The following CLEC1B variants were observed in gnomAD, a reference collection of about 807,000 sequenced individuals.
CLEC1B encodes the protein C-type lectin domain family 1 member B, also known as C-type lectin-like receptor 2.
In CLEC1B, 26 loss-of-function variants were observed where a neutral mutation model predicts 26.7. The observed-to-expected ratio is 0.97, with a 90% CI of 0.71 to 1.35. The LOEUF (loss-of-function observed/expected upper bound fraction) is 1.35, where lower values mean the gene tolerates loss of function less well. Among genes scored for constraint, CLEC1B ranks in the 40% most tolerant of loss-of-function variants. CLEC1B has a pLI of 0.00. For missense variants in CLEC1B, 293 were observed against 282.6 expected, an observed-to-expected ratio of 1.04 and a Z score of -0.26; for synonymous variants, 112 against 96.0, an observed-to-expected ratio of 1.17 and a Z score of -0.97.
chr12:9,998,354 G>C lies in CLEC1B; in HGVS notation c.91C>G (p.Arg31Gly). 6.2e-7 allele frequency: 1 copy of C among 1,613,846 alleles called. No individual in the cohort carries two copies. Among genetic ancestry groups the C allele is most frequent in the South Asian group, 1.1e-5 (1 of 91,070 alleles). ...SVGSASSSWWRVMALILLILC... is the reference protein window; with the variant it reads ...SVGSASSSWWGVMALILLILC... ...ATCAGCAGAATCAAAGCCATCACAC[G>C]CCACCAGGAGGAGGATGCAGAGCCA... is the stretch of plus-strand genomic sequence containing the variant. The change falls in exon 2 of 6, where the codon CGT becomes GGT. Residue 31 changes from arginine (R) to glycine (G), a missense_variant. Transcript: ENST00000298527.
chr12:9,998,992 A>AT (rs749430592), intron 1 of CLEC1B, 45 bp downstream of exon 1: 5 of 1,122,308 alleles, frequency 4.5e-6, no homozygotes, highest in South Asian at 1.3e-5. Flanking sequence ...GAATCAACTC[A>AT]TTTTTTAAAT....
chr12:9,994,506 C>T (rs747021980), intron 5 of CLEC1B, among the ~76,000 whole-genome samples: 23 of 151,968 alleles, frequency 1.5e-4, no homozygotes, highest in Non-Finnish European at 2.2e-4. Context: ...TTTTGATATA[C>T]AGGATGAACA....
chr12:9,996,760 A>C, intron 4 of CLEC1B, 86 bp downstream of exon 4: 1 of 1,401,934 alleles, frequency 7.1e-7, no homozygotes, highest in Non-Finnish European at 1.0e-6. Context: ...TGTTAAGAAA[A>C]ATGTAAAAAA....
chr12:9,994,081 G>A (rs984657402), intron 5 of CLEC1B, among the ~76,000 whole-genome samples: 3 of 152,072 alleles, frequency 2.0e-5, no homozygotes. Flanking sequence ...ATGGATATGG[G>A]TTTAAGGGAG....
At chr12:9,994,910 G>A in intron 5 of CLEC1B, 3 of 1,119,600 alleles carry the variant, frequency 2.7e-6, no homozygotes, top group Non-Finnish European at 3.6e-6. Context: ...AAAAATGAAT[G>A]GGAATAATAT....
At chr12:9,997,307 T>A (rs777577912) in intron 2 of CLEC1B, 28 bp from the exon 3 acceptor site, 32 of 1,582,740 alleles carry the variant, frequency 2.0e-5, no homozygotes, top group Non-Finnish European at 2.7e-5. Flanking sequence ...ATAATAATAA[T>A]TTGTAATTAG....
At chr12:9,995,351 A>G (rs536908601) in intron 4 of CLEC1B, 105 bp from the exon 5 acceptor site, 19 of 883,744 alleles carry the variant, frequency 2.1e-5, no homozygotes, top group Non-Finnish European at 3.2e-5. Context: ...GTTGGATTAC[A>G]TGTCTATATT....
intron 4 of CLEC1B, among the ~76,000 whole-genome samples, chr12:9,996,018 C>A (rs969732463): frequency 6.6e-6 from 1 of 151,930 alleles, no homozygotes; most frequent in East Asian, 1.9e-4. Context: ...ATGTGAAGGC[C>A]AAATGCTTAT....
upstream of CLEC1B, chr12:9,999,211 G>A: frequency 1.5e-6 from 1 of 679,880 alleles, no homozygotes; most frequent in Non-Finnish European, 2.5e-6. Flanking sequence ...TCTTTAGTAG[G>A]GTAGAACCAT....
intron 5 of CLEC1B, among the ~76,000 whole-genome samples, chr12:9,994,831 G>GCA (rs777871148): frequency 1.9e-4 from 26 of 138,076 alleles, no homozygotes; most frequent in Non-Finnish European, 2.8e-4. Flanking sequence ...ATGTGCATGC[G>GCA]CGCACACACA....
chr12:9,995,857 T>C (rs1283875856), intron 4 of CLEC1B, among the ~76,000 whole-genome samples: 2 of 152,220 alleles, frequency 1.3e-5, no homozygotes, highest in Admixed American at 6.5e-5. Flanking sequence ...TCTTGGCTGT[T>C]GCTTTAACTA....
At chr12:9,994,757 T>C (rs1017145203) in intron 5 of CLEC1B, among the ~76,000 whole-genome samples, 16 of 152,076 alleles carry the variant, frequency 1.1e-4, no homozygotes, top group Admixed American at 2.0e-4. Flanking sequence ...AATAATGATA[T>C]GAAATTTTGT....
chr12:9,997,660 A>G (rs137925362), intron 2 of CLEC1B, among the ~76,000 whole-genome samples: 48 of 152,314 alleles, frequency 3.2e-4, no homozygotes, highest in African/African-American at 1.1e-3. Context: ...AAAAATACAT[A>G]CTGATTTCTT....
intron 5 of CLEC1B, among the ~76,000 whole-genome samples, chr12:9,993,945 A>C (rs977761383): frequency 1.8e-4 from 27 of 152,160 alleles, no homozygotes; most frequent in Non-Finnish European, 3.4e-4. Flanking sequence ...CAAGAAAGCT[A>C]ATGTCTTTCT....
At chr12:9,997,505 C>G (rs940180435) in intron 2 of CLEC1B, among the ~76,000 whole-genome samples, 1 of 152,214 alleles carries the variant, frequency 6.6e-6, no homozygotes, top group South Asian at 2.1e-4. Flanking sequence ...TTGAAGGAGA[C>G]AATCACAAAT....
At chr12:9,997,042 T>C (rs1865068397) in intron 3 of CLEC1B, 42 bp from the exon 4 acceptor site, 2 of 1,611,162 alleles carry the variant, frequency 1.2e-6, no homozygotes, top group Non-Finnish European at 1.7e-6. Context: ...TTTTCTAAAT[T>C]GGGCTTACAT....
At chr12:10,001,426 C>T (rs187914272), upstream of CLEC1B, among the ~76,000 whole-genome samples, 271 of 152,272 alleles carry the variant, frequency 1.8e-3, 2 homozygotes, top group African/African-American at 6.2e-3. Flanking sequence ...GTAATTTAAC[C>T]TTGCTTTTTG....
At chr12:9,998,426 A>G (rs761091827) in intron 1 of CLEC1B, 46 bp from the exon 2 acceptor site, 2 of 1,460,304 alleles carry the variant, frequency 1.4e-6, no homozygotes, top group Non-Finnish European at 1.9e-6. Context: ...AGTATGGGTT[A>G]GCTATGGGGA....
In CLEC1B at chr12:9,996,996, A is replaced by T. The variant is rs761690637; in HGVS notation, c.288T>A (p.Gly96=). Reference sequence around the variant, plus strand: ...TTGTGTCACAGGGGCTGCATTTATGACCTTCTGGAGAAACCAAGCACAGGA... The same window carrying T: ...TTGTGTCACAGGGGCTGCATTTATGTCCTTCTGGAGAAACCAAGCACAGGA... The part of the protein sequence containing the change: ...KQSELKGTFK[G]HKCSPCDTNW... The change falls in exon 4 of 6, where the codon GGT becomes GGA. Residue 96 remains glycine, a synonymous_variant. Transcript: ENST00000298527. 3 of 1,613,818 alleles carry T rather than the reference A, an allele frequency of 1.9e-6. No homozygotes were observed. Among genetic ancestry groups the T allele is most frequent in the Non-Finnish European group, 2.5e-6 (3 of 1,179,920 alleles).
Sources: gnomAD v4.1 joint callset for allele counts (sites outside exome capture counted in the v4.1 genomes callset) on GRCh38, gnomAD v4.1.1 for gene constraint, MANE v1.5 for transcripts, NCBI Gene and HGNC (gene_info 2026-07-23, HGNC 2026-07-21) for gene names.